PPP1R1C: variants seen among roughly 807,000 people sequenced by gnomAD.
PPP1R1C encodes the protein protein phosphatase 1 regulatory subunit 1C.
Under a neutral mutation model 17.4 loss-of-function variants are expected in PPP1R1C, and 15 were observed. The observed-to-expected ratio is 0.86, with a 90% confidence interval of 0.58 to 1.33. The LOEUF is 1.33. PPP1R1C is among the 40% of genes most tolerant of loss of function. The pLI is 0.00. For missense variants in PPP1R1C, 143 were observed against 130.0 expected (o/e 1.10, Z -0.48); for synonymous variants, 35 against 43.1 (o/e 0.81, Z 0.73).
intron 2 of PPP1R1C, among the ~76,000 whole-genome samples, chr2:182,050,969 C>T (rs944002374): frequency 3.9e-5 from 6 of 152,152 alleles, no homozygotes; most frequent in South Asian, 4.1e-4. Flanking sequence ...TCAAACACAT[C>T]CTGCCTTCAG....
intron 2 of PPP1R1C, among the ~76,000 whole-genome samples, chr2:182,008,063 G>C (rs62192111): frequency 2.7e-3 from 387 of 141,092 alleles, no homozygotes; most frequent in Admixed American, 4.7e-3. Flanking sequence ...GCGAGACTCC[G>C]TCTCAAAAAA....
At chr2:181,977,007 A>G (rs1685102611) in intron 2 of PPP1R1C, among the ~76,000 whole-genome samples, 1 of 151,708 alleles carries the variant, frequency 6.6e-6, no homozygotes, top group African/African-American at 2.4e-5. Flanking sequence ...GCATGGTGAC[A>G]CATGCCTGTA....
At chr2:181,955,635 A>G (rs1684657908) in intron 1 of PPP1R1C, among the ~76,000 whole-genome samples, 1 of 152,216 alleles carries the variant, frequency 6.6e-6, no homozygotes, top group Admixed American at 6.5e-5. Context: ...AGCCTTGATA[A>G]TAATATATTT....
chr2:181,999,136 T>TA (rs1231993358), intron 2 of PPP1R1C, among the ~76,000 whole-genome samples: 1 of 152,230 alleles, frequency 6.6e-6, no homozygotes, highest in East Asian at 1.9e-4. Flanking sequence ...ACTTTTCATT[T>TA]AGACAGTTAC....
Position 181,961,974 on chromosome 2 carries a change from C to T in PPP1R1C, n.111+7340C>T. ...GACGGGTGCATGGCCAGCTCTGTCT[C>T]ATACTTGACTCTAAAGTCATCGGCT... On this transcript the variant is annotated intron_variant and non_coding_transcript_variant, in intron 1 of 5. Transcript: ENST00000464264. This position sits in a 1 kb window ranked among gnomAD's most constrained non-coding sequence, Gnocchi z 5.8. 1 of 735,474 alleles carries T rather than the reference C, an allele frequency of 1.4e-6. No individual in the cohort carries two copies. Among genetic ancestry groups the T allele is most frequent in the Non-Finnish European group, 2.5e-6 (1 of 398,530 alleles). 45.6% of individuals were successfully genotyped at this position (735,474 alleles called of 1,614,324 possible). A position where few individuals can be genotyped will look rare whatever the true frequency, so the allele number is the denominator to read the frequency against.
intron 3 of PPP1R1C, 83 bp from the exon 4 acceptor site, chr2:182,063,648 A>G: frequency 1.0e-6 from 1 of 999,602 alleles, no homozygotes; most frequent in Non-Finnish European, 1.6e-6. Context: ...AACATGGCAC[A>G]GTATTTATTT....
Position 182,117,388 on chromosome 2 carries a change from G to A in PPP1R1C, c.*93G>A, listed in dbSNP as rs1689620462. On this transcript the variant is annotated 3_prime_UTR_variant, in exon 5 of 5. Coordinates refer to ENST00000682840, the MANE Select transcript of PPP1R1C (RefSeq NM_001080545.3). ...GAATTCCACTGCTTGACTTCCAGAA[G>A]CATCCTCCATCTCTGCACCCCACAC... The A allele has an allele frequency of 3.4e-6, 3 of 885,610 alleles. No homozygotes were observed. The highest frequency in any genetic ancestry group is 5.3e-5 in the East Asian group (2 of 37,648). The allele number at this position is 885,610 out of a possible 1,614,324, so 54.9% of individuals were successfully genotyped here. A position where few individuals can be genotyped will look rare whatever the true frequency, so the allele number is the denominator to read the frequency against.
At chr2:182,098,234 C>T (rs1689000433) in intron 4 of PPP1R1C, among the ~76,000 whole-genome samples, 2 of 152,138 alleles carry the variant, frequency 1.3e-5, no homozygotes, top group South Asian at 4.1e-4. Context: ...ATTCCTCACA[C>T]TGTTGCATTT....
At chr2:181,958,957 A>G (rs1041230577) in intron 1 of PPP1R1C, among the ~76,000 whole-genome samples, 2 of 152,254 alleles carry the variant, frequency 1.3e-5, no homozygotes, top group Admixed American at 1.3e-4. Flanking sequence ...TGAGGCACAA[A>G]TGTTTGCATT....
chr2:182,085,520 G>C (rs1445695664), intron 4 of PPP1R1C, among the ~76,000 whole-genome samples: 1 of 152,050 alleles, frequency 6.6e-6, no homozygotes, highest in African/African-American at 2.4e-5. Flanking sequence ...GTGAATATGG[G>C]TGCCAAAGAT....
At chr2:181,965,514 A>G (rs1397311642) in intron 1 of PPP1R1C, among the ~76,000 whole-genome samples, 15 of 152,234 alleles carry the variant, frequency 9.9e-5, no homozygotes, top group Admixed American at 9.8e-4. Context: ...TCTTCTGCAT[A>G]TAAATATTCA....
chr2:182,042,702 A>C (rs774267656), intron 2 of PPP1R1C, among the ~76,000 whole-genome samples: 10 of 152,228 alleles, frequency 6.6e-5, no homozygotes, highest in Non-Finnish European at 2.9e-5. Flanking sequence ...CTACAATAGC[A>C]GAATTGTAAT....
upstream of PPP1R1C, among the ~76,000 whole-genome samples, chr2:181,985,339 A>G (rs998624942): frequency 6.6e-6 from 1 of 152,228 alleles, no homozygotes; most frequent in African/African-American, 2.4e-5. The surrounding 1 kb of genome is among the most constrained non-coding windows in gnomAD (Gnocchi z 4.1). Context: ...AGACGTAGCC[A>G]GTAATTTTCT....
chr2:181,964,268 C>T (rs775168353), intron 1 of PPP1R1C, among the ~76,000 whole-genome samples: 9 of 152,162 alleles, frequency 5.9e-5, no homozygotes, highest in Non-Finnish European at 1.3e-4. Flanking sequence ...ACTTCCAGTT[C>T]CATCCATGCT....
chr2:182,010,995 T>C (rs1686074366), intron 2 of PPP1R1C, among the ~76,000 whole-genome samples: 1 of 152,202 alleles, frequency 6.6e-6, no homozygotes, highest in African/African-American at 2.4e-5. Flanking sequence ...ATGAATAATC[T>C]TTTTAATGTG....
chr2:182,115,541 A>G (rs900261841), intron 4 of PPP1R1C, among the ~76,000 whole-genome samples: 1 of 152,118 alleles, frequency 6.6e-6, no homozygotes, highest in Non-Finnish European at 1.5e-5. Context: ...ACTCAAGCAG[A>G]GTGACTGGTT....
intron 2 of PPP1R1C, among the ~76,000 whole-genome samples, chr2:181,975,762 C>G (rs941708175): frequency 1.3e-5 from 2 of 151,748 alleles, no homozygotes; most frequent in Admixed American, 1.3e-4. Flanking sequence ...TTGAAAGGCC[C>G]TCTGTGTACC....
intron 4 of PPP1R1C, among the ~76,000 whole-genome samples, chr2:182,067,308 C>CT (rs60713753): frequency 1.9e-4 from 28 of 147,414 alleles, no homozygotes; most frequent in East Asian, 7.9e-4. Context: ...AACACTGAAG[C>CT]TTTTTTTTTT....
intron 2 of PPP1R1C, among the ~76,000 whole-genome samples, chr2:182,012,159 T>G (rs1686103757): frequency 6.6e-6 from 1 of 152,092 alleles, no homozygotes; most frequent in Non-Finnish European, 1.5e-5. Flanking sequence ...GTGTTATGTT[T>G]CTTTGTTGAT....
Sources: allele counts gnomAD v4.1 joint callset (sites outside exome capture counted in the v4.1 genomes callset), GRCh38; gene constraint gnomAD v4.1.1; non-coding constraint Gnocchi (gnomAD v3.1); transcripts MANE v1.5; gene names NCBI Gene and HGNC (gene_info 2026-07-23, HGNC 2026-07-21).